Variants in DENND1A observed in about 807,000 individuals in gnomAD.
DENND1A encodes DENN domain containing 1A, also known as DENN domain-containing protein 1A.
In DENND1A, 51 loss-of-function variants were observed where a neutral mutation model predicts 113.7. That is an observed-to-expected ratio of 0.45 (90% CI 0.36 to 0.57). The LOEUF is 0.57. Among genes scored for constraint, DENND1A ranks in the 20% least tolerant of loss-of-function variants. The pLI is 0.00. For synonymous variants in DENND1A, 565 were observed against 570.8 expected, an observed-to-expected ratio of 0.99 and a Z score of 0.14; for missense variants, 1,258 against 1,395.9, an observed-to-expected ratio of 0.90 and a Z score of 1.57.
chr9:123,525,024 T>C (rs2054704498), intron 13 of DENND1A, among the ~76,000 whole-genome samples: 1 of 152,234 alleles, frequency 6.6e-6, no homozygotes, highest in Non-Finnish European at 1.5e-5. Context: ...AGGCGTTCCA[T>C]AGCCCTTGGC....
intron 3 of DENND1A, among the ~76,000 whole-genome samples, chr9:123,790,145 A>G (rs1832789939): frequency 6.6e-6 from 1 of 152,168 alleles, no homozygotes; most frequent in South Asian, 2.1e-4. Flanking sequence ...TTTGTATGTA[A>G]TAGAAATATT....
chr9:123,622,556 T>C (rs1408190250), intron 10 of DENND1A, among the ~76,000 whole-genome samples: 1 of 152,230 alleles, frequency 6.6e-6, no homozygotes, highest in Non-Finnish European at 1.5e-5. Flanking sequence ...AATTTTTTCA[T>C]AAAATCTCGG....
chr9:123,395,468 C>CTG (rs60527655), intron 21 of DENND1A, among the ~76,000 whole-genome samples: 4,042 of 142,958 alleles, frequency 0.028, 201 homozygotes, highest in African/African-American at 0.1. Flanking sequence ...CTCTCTCTCT[C>CTG]TGTGTGTGTG....
intron 2 of DENND1A, among the ~76,000 whole-genome samples, chr9:123,819,200 A>G (rs958496245): frequency 6.6e-5 from 10 of 152,238 alleles, no homozygotes; most frequent in Non-Finnish European, 1.5e-4. Context: ...ATGTTACTAT[A>G]TAATACTCTA....
chr9:123,497,507 G>A (rs766580677), intron 13 of DENND1A, among the ~76,000 whole-genome samples: 2 of 152,070 alleles, frequency 1.3e-5, no homozygotes, highest in Non-Finnish European at 1.5e-5. Context: ...AATTTTTATA[G>A]AGATGGGGTC....
rs368620115 is a variant in DENND1A at position 123,422,157 on chromosome 9, C to T, written c.1489-10328G>A. On this transcript the variant is annotated intron_variant, in intron 19 of 23. Transcript: ENST00000394215. The surrounding 1 kb of genome is among the most constrained non-coding windows in gnomAD (Gnocchi z 4.8). ...GGCTCCTGGCACAAGGCCTGGCACGCGGTCAAGTTAAAGTAAATGGCTGCC... is the reference window on the plus strand; with the variant it reads ...GGCTCCTGGCACAAGGCCTGGCACGTGGTCAAGTTAAAGTAAATGGCTGCC... Among the ~76,000 whole-genome samples the T allele has an allele frequency of 5.9e-5, 9 of 152,326 alleles. No homozygotes were observed. In the South Asian group the frequency reaches 1.5e-3, roughly 25 times the overall value.
At chr9:123,818,134 G>C (rs564224129) in intron 2 of DENND1A, among the ~76,000 whole-genome samples, 1 of 151,856 alleles carries the variant, frequency 6.6e-6, no homozygotes, top group African/African-American at 2.4e-5. Context: ...ACAGAGTCTC[G>C]CTGTCGCCCA....
rs1046360902 is a variant in DENND1A at position 123,381,317 on chromosome 9, C to T, written c.*115G>A. On this transcript the variant is annotated 3_prime_UTR_variant, in exon 24 of 24. Transcript: ENST00000394215. This position sits in a 1 kb window ranked among gnomAD's most constrained non-coding sequence, Gnocchi z 4.7. Reference sequence around the variant, plus strand: ...GAGGAGGGGGCAGCAGAGAGGGGTCCCATCCCTTCCCACCAGCAGAACCTG... The same window carrying T: ...GAGGAGGGGGCAGCAGAGAGGGGTCTCATCCCTTCCCACCAGCAGAACCTG... 23 of 1,028,732 alleles carry T rather than the reference C, an allele frequency of 2.2e-5. No individual in the cohort carries two copies. In the Admixed American group the frequency reaches 3.6e-4, roughly 16 times the overall value. The allele number at this position is 1,028,732 out of a possible 1,614,324, so 63.7% of individuals were successfully genotyped here.
chr9:123,453,944 G>T (rs980366185), intron 16 of DENND1A, among the ~76,000 whole-genome samples: 2 of 152,162 alleles, frequency 1.3e-5, no homozygotes, highest in South Asian at 4.1e-4. Flanking sequence ...GATTTGCCAA[G>T]TGCTGTGTTT....
chr9:123,535,196 G>C (rs1424514093), intron 13 of DENND1A, among the ~76,000 whole-genome samples: 2 of 152,124 alleles, frequency 1.3e-5, no homozygotes, highest in East Asian at 3.8e-4. Context: ...CCACACAACA[G>C]CCAAAATAAG....
intron 13 of DENND1A, among the ~76,000 whole-genome samples, chr9:123,459,532 CCT>C (rs777339369): frequency 1.3e-5 from 2 of 151,444 alleles, no homozygotes; most frequent in African/African-American, 4.9e-5. Flanking sequence ...AAGACGATAC[CCT>C]GAGTTAAAAA....
chr9:123,450,226 G>A (rs770994081), intron 18 of DENND1A, among the ~76,000 whole-genome samples: 6 of 152,154 alleles, frequency 3.9e-5, no homozygotes, highest in Non-Finnish European at 7.3e-5. Flanking sequence ...TAAGCCCACG[G>A]CATTCTGCTC....
At chr9:123,709,546 T>TC (rs2066449523) in intron 5 of DENND1A, among the ~76,000 whole-genome samples, 1 of 152,090 alleles carries the variant, frequency 6.6e-6, no homozygotes, top group South Asian at 2.1e-4. Flanking sequence ...ATCTCTTACT[T>TC]CCCCATGTCC....
intron 19 of DENND1A, among the ~76,000 whole-genome samples, chr9:123,424,099 T>C (rs2045529618): frequency 6.6e-6 from 1 of 152,040 alleles, no homozygotes; most frequent in South Asian, 2.1e-4. Context: ...AGGAAGGTGG[T>C]TGGTAGACAG....
chr9:123,867,229 G>A (rs1845913665), intron 2 of DENND1A, among the ~76,000 whole-genome samples: 1 of 152,126 alleles, frequency 6.6e-6, no homozygotes, highest in Non-Finnish European at 1.5e-5. Flanking sequence ...TCAAAAGCTA[G>A]AATGTAACTT....
intron 10 of DENND1A, among the ~76,000 whole-genome samples, chr9:123,618,790 C>G (rs1328533942): frequency 3.3e-5 from 5 of 152,200 alleles, no homozygotes; most frequent in Admixed American, 3.3e-4. Context: ...CCAGTGAGAG[C>G]TGTCCCGCTA....
intron 21 of DENND1A, among the ~76,000 whole-genome samples, chr9:123,398,579 G>T (rs1324017090): frequency 6.6e-6 from 1 of 151,630 alleles, no homozygotes; most frequent in Middle Eastern, 3.2e-3. Flanking sequence ...GGGTTTCACT[G>T]TGTTAGCCAG....
chr9:123,466,054 G>A (rs529393846), intron 13 of DENND1A, among the ~76,000 whole-genome samples: 46 of 152,234 alleles, frequency 3.0e-4, no homozygotes, highest in Middle Eastern at 3.4e-3. Flanking sequence ...AGGCTGGAGT[G>A]CAGTGGCGCG....
At chr9:123,703,938 T>C (rs990560836) in intron 5 of DENND1A, among the ~76,000 whole-genome samples, 13 of 152,158 alleles carry the variant, frequency 8.5e-5, no homozygotes, top group Non-Finnish European at 1.5e-4. Context: ...ACACTTAAAA[T>C]TGGTGAATTT....
Sources: gnomAD v4.1 joint callset for allele counts (sites outside exome capture counted in the v4.1 genomes callset) on GRCh38, gnomAD v4.1.1 for gene constraint, Gnocchi (gnomAD v3.1) non-coding constraint, MANE v1.5 for transcripts, NCBI Gene and HGNC (gene_info 2026-07-23, HGNC 2026-07-21) for gene names.